CDC37: variants seen among roughly 807,000 people sequenced by gnomAD.
CDC37 encodes the protein hsp90 co-chaperone Cdc37.
CDC37 carries 9 observed loss-of-function variants against 46.9 expected under a neutral mutation model. The ratio of observed to expected loss-of-function variants is 0.19; its 90% CI spans 0.12 to 0.33. The LOEUF (loss-of-function observed/expected upper bound fraction) is 0.33, where lower values mean the gene tolerates loss of function less well. CDC37 is among the 10% of genes least tolerant of loss of function. CDC37 has a pLI of 1.00. For synonymous variants in CDC37, 193 were observed against 191.0 expected (o/e 1.01, Z -0.09); for missense variants, 388 against 514.6 (o/e 0.75, Z 2.38).
At position 10,396,243 on chromosome 19, in the gene CDC37, T is replaced by C; in HGVS notation, c.103-40A>G. 1.3e-6 allele frequency: 2 copies of C among 1,593,778 alleles called. No individual in the cohort carries two copies. Among genetic ancestry groups the C allele is most frequent in the South Asian group, 2.3e-5 (2 of 88,088 alleles). On this transcript the variant is annotated intron_variant, in intron 1 of 7. Transcript: ENST00000222005. The surrounding 1 kb of genome is among the most constrained non-coding windows in gnomAD (Gnocchi z 5.9). ...GGCCTATCAACTCTGGGGAGTCGTC[T>C]GTCCCTTACCCCCGCCCCATACCCA...
rs145608201 is a variant in CDC37, at chr19:10,393,285, C to A, written c.883G>T (p.Val295Phe). The change falls in exon 6 of 8, where the codon GTC becomes TTC. Residue 295 changes from valine (V) to phenylalanine (F), a missense_variant. Physicochemically the swap from Val to Phe is conservative, Grantham distance 50 (BLOSUM62 -1). Around this residue, in one of 2 missense-constraint regions of CDC37, gnomAD observed 374 missense variants for 467.4 expected, o/e 0.80. Transcript: ENST00000222005. The surrounding 1 kb of genome is among the most constrained non-coding windows in gnomAD (Gnocchi z 4.9). ...TCAGGGAGGGACTCGTAGACCTCGA[C>A]GGGGTCCAGGCCGCCGGGGCCGAGC... ...KRLGPGGLDP[V>F]EVYESLPEEL... 1 of 1,613,100 alleles carries A rather than the reference C, an allele frequency of 6.2e-7. No homozygotes were observed. The highest frequency in any genetic ancestry group is 1.7e-5 in the Admixed American group (1 of 59,936).
In CDC37 at chr19:10,397,444, G is replaced by T. The variant is rs997176818; in HGVS notation, c.103-1241C>A. On this transcript the variant is annotated intron_variant, in intron 1 of 7. Coordinates refer to ENST00000222005, the MANE Select transcript of CDC37 (RefSeq NM_007065.4). ...TTTTTTTTTTTTTTTTTTTTGAGAC[G>T]GAGTCGCCCAGGCTGGAGTGCAGTG... Among the ~76,000 whole-genome samples the T allele has an allele frequency of 3.0e-5, 4 of 134,754 alleles. 1 individual carries two copies. The highest frequency in any genetic ancestry group is 6.3e-5 in the Non-Finnish European group (4 of 63,916). 88.4% of individuals were successfully genotyped at this position (134,754 alleles called of 152,430 possible).
chr19:10,394,362 A>AT (rs549080412), intron 5 of CDC37, among the ~76,000 whole-genome samples: 1,700 of 151,944 alleles, frequency 0.011, 32 homozygotes, highest in African/African-American at 0.039. Flanking sequence ...CTGCTCCCAC[A>AT]TTTTTTTGTA....
rs1302819194 is a variant in CDC37, at chr19:10,398,252, C to A, written c.103-2049G>T. On this transcript the variant is annotated intron_variant, in intron 1 of 7. Coordinates refer to ENST00000222005, the MANE Select transcript of CDC37 (RefSeq NM_007065.4). This position sits in a 1 kb window ranked among gnomAD's most constrained non-coding sequence, Gnocchi z 4.2. ...TCCTGGGTCCCAGGCAGATACTGGC[C>A]CTCATCGTTCCCCGAAAGTACGGGC... Among the ~76,000 whole-genome samples the A allele has an allele frequency of 8.6e-4, 131 of 152,208 alleles. No individual in the cohort carries two copies. Among genetic ancestry groups the A allele is most frequent in the Non-Finnish European group, 2.9e-5 (2 of 68,042 alleles).
chr19:10,392,375 T>C (rs1037417984), intron 7 of CDC37, among the ~76,000 whole-genome samples: 6 of 152,148 alleles, frequency 3.9e-5, no homozygotes, highest in Admixed American at 1.3e-4. Context: ...CTGGTCTAGA[T>C]GGCTATGCCC....
intron 2 of CDC37, 21 bp downstream of exon 2, chr19:10,395,907 C>A (rs1163259036): frequency 5.5e-6 from 5 of 915,476 alleles, no homozygotes; most frequent in South Asian, 4.0e-5. Flanking sequence ...GCGCACTGCC[C>A]GCCCCGCCCG....
intron 4 of CDC37, 33 bp downstream of exon 4, chr19:10,395,195 C>A (rs746736521): frequency 2.5e-6 from 4 of 1,613,648 alleles, no homozygotes; most frequent in Non-Finnish European, 2.5e-6. Flanking sequence ...CATGGCAGCG[C>A]CTTTTCACAG....
In CDC37 at chr19:10,391,398, G is replaced by T; in HGVS notation, c.*153C>A. ...GAATGGGCGCTGGAGAGTGGAGACA[G>T]TGGAGAGGCCAGGGAGGGCTGGGCG... On this transcript the variant is annotated 3_prime_UTR_variant, in exon 8 of 8. Coordinates refer to ENST00000222005, the MANE Select transcript of CDC37 (RefSeq NM_007065.4). 2 of 843,418 alleles carry T rather than the reference G, an allele frequency of 2.4e-6. No individual in the cohort carries two copies. The highest frequency in any genetic ancestry group is 4.0e-6 in the Non-Finnish European group (2 of 504,974). The allele number at this position is 843,418 out of a possible 1,614,324, so 52.2% of individuals were successfully genotyped here.
In CDC37 at chr19:10,395,298, T is replaced by G; in HGVS notation, c.533A>C (p.Asn178Thr). ...WDDSQKYLSD[N>T]VHLVCEETAN... ...TGTCTCCTCGCACACCAGGTGGACGTTGTCTGACAGGTACTTTTGGCTGTC... is the reference window on the plus strand; with the variant it reads ...TGTCTCCTCGCACACCAGGTGGACGGTGTCTGACAGGTACTTTTGGCTGTC... Residue 178 changes from asparagine to threonine, a missense_variant, in exon 4 of 8, where the codon AAC becomes ACC. This residue lies in a region of CDC37 where 374 missense variants were observed against 467.4 expected (regional missense o/e 0.80). Transcript: ENST00000222005. 1 of 1,614,222 alleles carries G rather than the reference T, an allele frequency of 6.2e-7. No individual in the cohort carries two copies. The highest frequency in any genetic ancestry group is 1.1e-5 in the South Asian group (1 of 91,084).
At chr19:10,400,894 C>A (rs1027727292) in intron 1 of CDC37, among the ~76,000 whole-genome samples, 1 of 151,960 alleles carries the variant, frequency 6.6e-6, no homozygotes, top group African/African-American at 2.4e-5. Flanking sequence ...ATAGCCACTG[C>A]CCCAAAAGGA....
Position 10,393,067 on chromosome 19 carries a change from G to C in CDC37, c.981+19C>G, listed in dbSNP as rs2042466509. On this transcript the variant is annotated intron_variant, in intron 7 of 7. Coordinates refer to ENST00000222005, the MANE Select transcript of CDC37 (RefSeq NM_007065.4). This position sits in a 1 kb window ranked among gnomAD's most constrained non-coding sequence, Gnocchi z 4.9. Reference sequence around the variant, plus strand: ...ACACACGGCCCGCCGGGAAGGCATGGGGCGCGGGGGTTACTCACGGTGGGG... The same window carrying C: ...ACACACGGCCCGCCGGGAAGGCATGCGGCGCGGGGGTTACTCACGGTGGGG... The C allele has an allele frequency of 1.9e-6, 3 of 1,610,106 alleles. No individual in the cohort carries two copies. In the Admixed American group the frequency reaches 5.0e-5, roughly 27 times the overall value.
rs542850499 is a variant in CDC37 at position 10,391,574 on chromosome 19, C to T, written c.1114G>A (p.Asp372Asn). The T allele has an allele frequency of 6.2e-6, 10 of 1,614,230 alleles. No homozygotes were observed. Among genetic ancestry groups the T allele is most frequent in the South Asian group, 2.2e-5 (2 of 91,086 alleles). Reference protein sequence around the residue: ...PLLEAVPKTGDEKDVSV With the variant: ...PLLEAVPKTGNEKDVSV The stretch of plus-strand genomic sequence containing the variant: ...GGTCACACACTGACATCCTTCTCAT[C>T]GCCCGTCTTGGGAACAGCTTCCAGT... The change falls in exon 8 of 8, where the codon GAT (aspartate) becomes AAT (asparagine). Residue 372 changes from aspartate (D) to asparagine (N), a missense_variant. By Grantham distance (23) the Asp-to-Asn change is conservative. Transcript: ENST00000222005.
Position 10,403,521 on chromosome 19 carries a change from G to C in CDC37, c.-42C>G. On this transcript the variant is annotated 5_prime_UTR_variant, in exon 1 of 8. Coordinates refer to ENST00000222005, the MANE Select transcript of CDC37 (RefSeq NM_007065.4). ...AGCCCGCTCCGGCTCGGGTGGCGGC[G>C]ACGGCGGCAGCAGTGGAGACTAGGA... is the stretch of plus-strand genomic sequence containing the variant. 1 of 1,489,334 alleles carries C rather than the reference G, an allele frequency of 6.7e-7. No individual in the cohort carries two copies. The highest frequency in any genetic ancestry group is 1.1e-5 in the South Asian group (1 of 87,698). 92.3% of individuals were successfully genotyped at this position (1,489,334 alleles called of 1,614,324 possible).
chr19:10,402,235 G>C (rs11879191), intron 1 of CDC37, among the ~76,000 whole-genome samples: 1 of 151,062 alleles, frequency 6.6e-6, no homozygotes, highest in African/African-American at 2.4e-5. Flanking sequence ...TGGGGTAGCA[G>C]GAGGTTAAAC....
At position 10,393,716 on chromosome 19, in the gene CDC37, GC is replaced by G; in HGVS notation, c.727-276del. On this transcript the variant is annotated intron_variant, in intron 5 of 7. Transcript: ENST00000222005. This position sits in a 1 kb window ranked among gnomAD's most constrained non-coding sequence, Gnocchi z 4.9. Reference sequence around the variant, plus strand: ...GCATGGGCACCTCTAACTCAACATGGCCACCTCCCAGCCTGCCTTGTCCTTG... The same window carrying G: ...GCATGGGCACCTCTAACTCAACATGGCACCTCCCAGCCTGCCTTGTCCTTG... 2.4e-6 allele frequency: 1 copy of G among 410,192 alleles called. No homozygotes were observed. Among genetic ancestry groups the G allele is most frequent in the Non-Finnish European group, 4.4e-6 (1 of 229,094 alleles). 25.4% of individuals were successfully genotyped at this position (410,192 alleles called of 1,614,324 possible).
chr19:10,394,662 G>A (rs1235801942), intron 5 of CDC37, among the ~76,000 whole-genome samples: 5 of 151,874 alleles, frequency 3.3e-5, no homozygotes, highest in African/African-American at 4.8e-5. Context: ...TCAGCCCCCC[G>A]AGTAGCTGGG....
In CDC37 at chr19:10,393,759, T is replaced by C; in HGVS notation, c.727-318A>G. The C allele has an allele frequency of 3.1e-6, 1 of 323,262 alleles. No individual in the cohort carries two copies. Among genetic ancestry groups the C allele is most frequent in the South Asian group, 6.8e-5 (1 of 14,674 alleles). The allele number at this position is 323,262 out of a possible 1,614,324, so 20.0% of individuals were successfully genotyped here. A position where few individuals can be genotyped will look rare whatever the true frequency, so the allele number is the denominator to read the frequency against. On this transcript the variant is annotated intron_variant, in intron 5 of 7. Coordinates refer to ENST00000222005, the MANE Select transcript of CDC37 (RefSeq NM_007065.4). This position sits in a 1 kb window ranked among gnomAD's most constrained non-coding sequence, Gnocchi z 4.9. Reference sequence around the variant, plus strand: ...TTGTCCTTGGTCTCCCTAATCTCGGTAAGGATAGCCCTGTTCCTCCAGGTA... The same window carrying C: ...TTGTCCTTGGTCTCCCTAATCTCGGCAAGGATAGCCCTGTTCCTCCAGGTA...
rs1225065683 is a variant in CDC37 at position 10,398,540 on chromosome 19, T to C, written c.103-2337A>G. ...CTAACCTCCTGTAACCTCAGTTTCC[T>C]CATCTGTCAAACAGTCAACAATGCT... On this transcript the variant is annotated intron_variant, in intron 1 of 7. Coordinates refer to ENST00000222005, the MANE Select transcript of CDC37 (RefSeq NM_007065.4). This position sits in a 1 kb window ranked among gnomAD's most constrained non-coding sequence, Gnocchi z 4.2. Among the ~76,000 whole-genome samples, 1 of 152,224 alleles carries C rather than the reference T, an allele frequency of 6.6e-6. No homozygotes were observed. Among genetic ancestry groups the C allele is most frequent in the Non-Finnish European group, 1.5e-5 (1 of 68,040 alleles).
At position 10,403,522 on chromosome 19, in the gene CDC37, A is replaced by G. The variant is rs534919502; in HGVS notation, c.-43T>C. On this transcript the variant is annotated 5_prime_UTR_variant, in exon 1 of 8. Coordinates refer to ENST00000222005, the MANE Select transcript of CDC37 (RefSeq NM_007065.4). The stretch of plus-strand genomic sequence containing the variant: ...GCCCGCTCCGGCTCGGGTGGCGGCG[A>G]CGGCGGCAGCAGTGGAGACTAGGAG... 8 of 1,492,228 alleles carry G rather than the reference A, an allele frequency of 5.4e-6. No homozygotes were observed. The highest frequency in any genetic ancestry group is 1.4e-5 in the African/African-American group (1 of 72,804). 92.4% of individuals were successfully genotyped at this position (1,492,228 alleles called of 1,614,324 possible).
Sources: gnomAD v4.1 joint callset for allele counts (sites outside exome capture counted in the v4.1 genomes callset) on GRCh38, gnomAD v4.1.1 for gene constraint, gnomAD v4.1.1 regional missense constraint, Gnocchi (gnomAD v3.1) non-coding constraint, MANE v1.5 for transcripts, NCBI Gene and HGNC (gene_info 2026-07-23, HGNC 2026-07-21) for gene names.